The following LSAMP variants were observed in gnomAD, a reference collection of about 807,000 sequenced individuals.
LSAMP encodes the protein limbic system associated membrane protein.
In LSAMP, 7 loss-of-function variants were observed where a neutral mutation model predicts 38.6. That is an observed-to-expected ratio of 0.18 (90% CI 0.10 to 0.34). The LOEUF (loss-of-function observed/expected upper bound fraction) is 0.34. Among genes scored for constraint, LSAMP ranks in the 10% least tolerant of loss-of-function variants. The probability of loss-of-function intolerance (pLI) is 1.00; values close to 1 mark genes in which losing one functional copy is unlikely to be tolerated. For missense variants in LSAMP, 313 were observed against 420.0 expected (o/e 0.75, Z 2.23); for synonymous variants, 154 against 166.8 (o/e 0.92, Z 0.59).
chr3:116,356,173 G>A (rs1457094697), intron 1 of LSAMP, among the ~76,000 whole-genome samples: 1 of 152,130 alleles, frequency 6.6e-6, no homozygotes, highest in African/African-American at 2.4e-5. Context: ...AGATTTGCAA[G>A]CAATCTAAGT....
intron 1 of LSAMP, among the ~76,000 whole-genome samples, chr3:116,440,938 T>C (rs895203680): frequency 2.0e-5 from 3 of 152,224 alleles, no homozygotes; most frequent in Non-Finnish European, 4.4e-5. Context: ...GACACTTCAT[T>C]AGTGAATATT....
At chr3:116,149,584 T>C (rs1709564513) in intron 1 of LSAMP, among the ~76,000 whole-genome samples, 1 of 149,216 alleles carries the variant, frequency 6.7e-6, no homozygotes, top group East Asian at 2.0e-4. Context: ...AGATTTCAGA[T>C]CTATAAAAAT....
chr3:116,305,544 C>T (rs570458743), intron 1 of LSAMP, among the ~76,000 whole-genome samples: 1 of 148,566 alleles, frequency 6.7e-6, no homozygotes, highest in South Asian at 2.1e-4. Flanking sequence ...CGCCAGCTTG[C>T]ACGAAAAAAA....
intron 1 of LSAMP, among the ~76,000 whole-genome samples, chr3:116,156,783 A>G (rs924915046): frequency 6.6e-6 from 1 of 152,198 alleles, no homozygotes; most frequent in Non-Finnish European, 1.5e-5. Flanking sequence ...AATCATAATC[A>G]GGACATAATC....
chr3:115,866,473 G>C (rs541261601), intron 3 of LSAMP, among the ~76,000 whole-genome samples: 1 of 152,080 alleles, frequency 6.6e-6, no homozygotes, highest in Non-Finnish European at 1.5e-5. Context: ...TACCTTTCTT[G>C]GTTTCATTAT....
At chr3:116,191,678 TC>T (rs1710758326) in intron 1 of LSAMP, among the ~76,000 whole-genome samples, 1 of 151,756 alleles carries the variant, frequency 6.6e-6, no homozygotes, top group East Asian at 1.9e-4. Context: ...CTGTCTTGAA[TC>T]AGGTTTTTGT....
chr3:115,908,181 C>A (rs911623198), intron 3 of LSAMP, among the ~76,000 whole-genome samples: 1 of 152,004 alleles, frequency 6.6e-6, no homozygotes, highest in African/African-American at 2.4e-5. Flanking sequence ...CTGAGACCAA[C>A]ATTTATTAGG....
At chr3:116,180,008 T>C (rs1222049897) in intron 1 of LSAMP, among the ~76,000 whole-genome samples, 1 of 152,192 alleles carries the variant, frequency 6.6e-6, no homozygotes, top group Admixed American at 6.5e-5. Flanking sequence ...TATAATAGCA[T>C]TATGACAAAC....
chr3:116,241,988 CA>C (rs1360532601), intron 1 of LSAMP, among the ~76,000 whole-genome samples: 2 of 145,074 alleles, frequency 1.4e-5, no homozygotes, highest in Non-Finnish European at 3.0e-5. Context: ...ACATAACTAC[CA>C]TAAAAGTGAG....
At chr3:115,975,319 A>G (rs893980138) in intron 3 of LSAMP, among the ~76,000 whole-genome samples, 1 of 152,200 alleles carries the variant, frequency 6.6e-6, no homozygotes, top group African/African-American at 2.4e-5. Flanking sequence ...GAGACATCCA[A>G]GTTGATTTTA....
Position 115,804,763 on chromosome 3 carries a change from G to A in LSAMP, c.*5554C>T, listed in dbSNP as rs941970554. On this transcript the variant is annotated 3_prime_UTR_variant, in exon 7 of 7. Coordinates refer to ENST00000490035, the MANE Select transcript of LSAMP (RefSeq NM_002338.5). ...TGATATATATGTCATCCTGTTACAC[G>A]TGTCAGGCACTTCAAAAAGACTCCA... 1 of 151,944 alleles carries A rather than the reference G, an allele frequency of 6.6e-6. No homozygotes were observed. Among genetic ancestry groups the A allele is most frequent in the African/African-American group, 2.4e-5 (1 of 41,352 alleles). The allele number at this position is 151,944 out of a possible 1,614,324, so 9.4% of individuals were successfully genotyped here. A position where few individuals can be genotyped will look rare whatever the true frequency, so the allele number is the denominator to read the frequency against.
At chr3:116,209,732 G>A (rs1396018893) in intron 1 of LSAMP, among the ~76,000 whole-genome samples, 3 of 151,810 alleles carry the variant, frequency 2.0e-5, no homozygotes, top group Non-Finnish European at 4.4e-5. Context: ...TACATTTTGG[G>A]ATTTATTTAT....
chr3:116,148,129 T>A (rs999281652), intron 1 of LSAMP, among the ~76,000 whole-genome samples: 3 of 149,834 alleles, frequency 2.0e-5, no homozygotes, highest in Non-Finnish European at 4.5e-5. Flanking sequence ...TTTTTTTTTT[T>A]AATTCATGAG....
chr3:116,256,409 C>CTCAG (rs1235075450), intron 1 of LSAMP, among the ~76,000 whole-genome samples: 6 of 152,152 alleles, frequency 3.9e-5, no homozygotes, highest in Non-Finnish European at 8.8e-5. Flanking sequence ...CCTCCCCCTA[C>CTCAG]TCAGGAAAAA....
intron 1 of LSAMP, among the ~76,000 whole-genome samples, chr3:116,160,689 T>G (rs1240335039): frequency 1.3e-5 from 2 of 152,058 alleles, no homozygotes; most frequent in Non-Finnish European, 2.9e-5. Flanking sequence ...TAAAATAAAT[T>G]TGGAATATAT....
chr3:116,222,720 CTTTTTTTTTTTTTTTTTTTTTTTTT>C (rs71141863), intron 1 of LSAMP, among the ~76,000 whole-genome samples: 13 of 49,942 alleles, frequency 2.6e-4, no homozygotes, highest in African/African-American at 9.5e-4. Context: ...TCATCCTCTC[CTTTTTTTTTTTTTTTTTTTTTTTTT>C]TTTTTTTTTT....
intron 3 of LSAMP, among the ~76,000 whole-genome samples, chr3:116,011,013 C>CTTTTTTTTTTTTTTTTTTTTTTTTTT (rs1169726977): frequency 6.6e-6 from 1 of 150,482 alleles, no homozygotes; most frequent in African/African-American, 2.5e-5. Context: ...ATAGTTTATG[C>CTTTTTTTTTTTTTTTTTTTTTTTTTT]TTTTTTTTGA....
At chr3:116,359,642 G>T (rs1398118783) in intron 1 of LSAMP, among the ~76,000 whole-genome samples, 2 of 152,170 alleles carry the variant, frequency 1.3e-5, no homozygotes, top group African/African-American at 4.8e-5. Flanking sequence ...AGGTAAGCAT[G>T]TGCCATGGTG....
Position 115,898,677 on chromosome 3 carries a change from C to T in LSAMP, c.515-46060G>A, listed in dbSNP as rs184663895. On this transcript the variant is annotated intron_variant, in intron 3 of 6. Transcript: ENST00000490035. ...AACAAGATACAATTAGATTGAGACT[C>T]ACCTAGTACCCAGCCAATGGTCCAG... is the stretch of plus-strand genomic sequence containing the variant. Among the ~76,000 whole-genome samples, 6 of 151,856 alleles carry T rather than the reference C, an allele frequency of 4.0e-5. No individual in the cohort carries two copies. In the East Asian group the frequency reaches 1.2e-3, roughly 30 times the overall value.
Sources: gnomAD v4.1 joint callset for allele counts (sites outside exome capture counted in the v4.1 genomes callset) on GRCh38, gnomAD v4.1.1 for gene constraint, MANE v1.5 for transcripts, NCBI Gene and HGNC (gene_info 2026-07-23, HGNC 2026-07-21) for gene names.